DMD: variants seen among roughly 807,000 people sequenced by gnomAD.
DMD encodes the protein mutant dystrophin.
A neutral mutation model predicts 330.1 loss-of-function variants in DMD; 63 were observed. That is an observed-to-expected ratio of 0.19 (90% CI 0.16 to 0.24). DMD has a LOEUF of 0.24. DMD is among the 10% of genes least tolerant of loss of function. The probability of loss-of-function intolerance (pLI) is 1.00; values close to 1 mark genes in which losing one functional copy is unlikely to be tolerated. For missense variants in DMD, 3,344 were observed against 2,684.1 expected (o/e 1.25, Z -5.43); for synonymous variants, 1,223 against 959.8 (o/e 1.27, Z -5.07).
At chrX:33,250,543 T>C (rs1169163245) in intron 1 of DMD, among the ~76,000 whole-genome samples, 1 of 111,038 alleles carries the variant, frequency 9.0e-6, no homozygotes, top group Admixed American at 9.7e-5. Flanking sequence ...GACACACATA[T>C]ACAAAACCAT....
intron 21 of DMD, among the ~76,000 whole-genome samples, chrX:32,481,386 C>T (rs927920332): frequency 1.8e-5 from 2 of 111,533 alleles, no homozygotes; most frequent in Non-Finnish European, 3.8e-5. Context: ...TTCTTCTTCA[C>T]ATACCAGCTA....
chrX:31,229,978 A>T (rs943830771), intron 63 of DMD, among the ~76,000 whole-genome samples: 3 of 112,119 alleles, frequency 2.7e-5, no homozygotes, highest in African/African-American at 9.7e-5. Context: ...AAAGCAAATT[A>T]AGCCAAAATA....
intron 37 of DMD, among the ~76,000 whole-genome samples, chrX:32,362,311 C>T (rs1424482066): frequency 2.7e-5 from 3 of 111,356 alleles, no homozygotes; most frequent in Admixed American, 9.6e-5. Context: ...CTAGACCGTG[C>T]AGAAGATGTA....
chrX:33,069,211 C>T (rs1369268984), intron 1 of DMD, among the ~76,000 whole-genome samples: 3 of 111,135 alleles, frequency 2.7e-5, no homozygotes, highest in African/African-American at 9.8e-5. Context: ...ATTTCTATAG[C>T]TTCTTGTTTT....
chrX:32,672,530 A>G (rs1339246098), intron 9 of DMD, among the ~76,000 whole-genome samples: 1 of 110,747 alleles, frequency 9.0e-6, no homozygotes, highest in Non-Finnish European at 1.9e-5. Context: ...GGAGCAATTA[A>G]TCACCTCCCC....
chrX:31,160,838 T>C (rs1388931343), intron 74 of DMD, among the ~76,000 whole-genome samples: 2 of 111,772 alleles, frequency 1.8e-5, no homozygotes, highest in African/African-American at 6.5e-5. Flanking sequence ...TCCACAATTA[T>C]CAAAGGCCAT....
intron 2 of DMD, among the ~76,000 whole-genome samples, chrX:32,933,404 C>T (rs1000621699): frequency 9.0e-6 from 1 of 111,562 alleles, no homozygotes; most frequent in Non-Finnish European, 1.9e-5. Context: ...GCATATTAAA[C>T]TGAACTGGGT....
intron 16 of DMD, among the ~76,000 whole-genome samples, chrX:32,562,417 G>A (rs762382715): frequency 1.8e-5 from 2 of 112,462 alleles, no homozygotes; most frequent in Non-Finnish European, 3.8e-5. Flanking sequence ...GCTCTGACCT[G>A]AACAGCAATC....
intron 1 of DMD, among the ~76,000 whole-genome samples, chrX:33,209,412 G>T (rs1319304406): frequency 9.0e-6 from 1 of 111,369 alleles, no homozygotes; most frequent in African/African-American, 3.2e-5. Flanking sequence ...ATGTCTATTT[G>T]CAGTACACTA....
At chrX:33,118,279 T>G (rs1024818977) in intron 1 of DMD, among the ~76,000 whole-genome samples, 1 of 107,723 alleles carries the variant, frequency 9.3e-6, no homozygotes, top group Non-Finnish European at 1.9e-5. Flanking sequence ...CCCGGCTAAT[T>G]TTTTGTATTT....
intron 13 of DMD, among the ~76,000 whole-genome samples, chrX:32,592,879 C>A (rs1347829070): frequency 2.7e-5 from 3 of 112,731 alleles, no homozygotes; most frequent in Non-Finnish European, 5.6e-5. Context: ...TTGGTGCCTG[C>A]AGCAGAAGCT....
At chrX:33,336,069 GA>G (rs2054249377) in intron 1 of DMD, among the ~76,000 whole-genome samples, 1 of 110,656 alleles carries the variant, frequency 9.0e-6, no homozygotes, top group African/African-American at 3.3e-5. Context: ...TCCCAGTGAA[GA>G]AAAAATATTG....
chrX:32,430,231 T>C (rs369698954), intron 29 of DMD, among the ~76,000 whole-genome samples: 3 of 111,991 alleles, frequency 2.7e-5, no homozygotes, highest in Non-Finnish European at 5.6e-5. Context: ...GCTGCTAATA[T>C]AAATTTGTCT....
intron 44 of DMD, among the ~76,000 whole-genome samples, chrX:32,121,919 C>A (rs1448314485): frequency 9.1e-6 from 1 of 109,467 alleles, no homozygotes; most frequent in Non-Finnish European, 1.9e-5. Context: ...CCAACCACTA[C>A]AAAGTAAGGA....
intron 1 of DMD, among the ~76,000 whole-genome samples, chrX:33,068,714 C>T (rs73188300): frequency 3.9e-3 from 443 of 112,229 alleles, no homozygotes; most frequent in Middle Eastern, 9.1e-3. Context: ...TTATGTCAAC[C>T]TGTAGGTTAA....
At position 32,828,577 on chromosome X, in the gene DMD, ATATC is replaced by A. The variant is rs762740263; in HGVS notation, c.265-5194_265-5191del. 8.7e-5 allele frequency among the ~76,000 whole-genome samples: 9 copies of A among 103,508 alleles called. No homozygotes were observed. In the South Asian group the frequency reaches 3.5e-3, roughly 40 times the overall value. The allele number at this position is 103,508 out of a possible 115,157, so 89.9% of individuals were successfully genotyped here. A position where few individuals can be genotyped will look rare whatever the true frequency, so the allele number is the denominator to read the frequency against. On this transcript the variant is annotated intron_variant, in intron 4 of 78. Transcript: ENST00000357033. The stretch of plus-strand genomic sequence containing the variant: ...TGTGTATCTACACATATACACATAT[ATATC>A]TATACATCTATACACATATATACAT...
chrX:32,700,284 T>A (rs181305537), intron 7 of DMD, among the ~76,000 whole-genome samples: 31 of 111,239 alleles, frequency 2.8e-4, no homozygotes, highest in African/African-American at 9.8e-4. Flanking sequence ...TGTGTAAATC[T>A]GGAGGATATT....
chrX:32,266,142 C>T (rs766389852), intron 43 of DMD, among the ~76,000 whole-genome samples: 12 of 111,654 alleles, frequency 1.1e-4, no homozygotes, highest in Middle Eastern at 4.6e-3. Flanking sequence ...ATTACAGGGG[C>T]GGTTATCCCC....
intron 17 of DMD, 22 bp from the exon 18 acceptor site, chrX:32,518,153 GT>G (rs775917548): frequency 1.0e-5 from 12 of 1,189,764 alleles, no homozygotes; most frequent in Non-Finnish European, 1.4e-5. Flanking sequence ...AAAAATAAAA[GT>G]CATTATTTCT....
Sources: allele counts gnomAD v4.1 joint callset (sites outside exome capture counted in the v4.1 genomes callset), GRCh38; gene constraint gnomAD v4.1.1; transcripts MANE v1.5; gene names NCBI Gene and HGNC (gene_info 2026-07-23, HGNC 2026-07-21).